Variants in ROR1 observed in about 807,000 individuals in gnomAD.
The protein encoded by ROR1 is ROR family WNT receptor 1.
Under a neutral mutation model 78.8 loss-of-function variants are expected in ROR1, and 19 were observed. The ratio of observed to expected loss-of-function variants is 0.24; its 90% CI spans 0.17 to 0.35. ROR1 has a LOEUF of 0.35. Ranked by LOEUF, ROR1 falls within the 10% of genes least tolerant of loss-of-function variation. The pLI, the probability that ROR1 is intolerant of heterozygous loss-of-function variation, is 1.00. For synonymous variants in ROR1, 386 were observed against 433.6 expected, an observed-to-expected ratio of 0.89 and a Z score of 1.36; for missense variants, 917 against 1,177.8, an observed-to-expected ratio of 0.78 and a Z score of 3.24.
intron 4 of ROR1, among the ~76,000 whole-genome samples, chr1:64,068,315 G>T (rs1445966740): frequency 6.6e-6 from 1 of 152,088 alleles, no homozygotes; most frequent in Non-Finnish European, 1.5e-5. Flanking sequence ...TAGTATCAGT[G>T]CAAAAATGTA....
intron 4 of ROR1, among the ~76,000 whole-genome samples, chr1:64,088,143 C>T (rs1647168054): frequency 6.6e-6 from 1 of 152,124 alleles, no homozygotes; most frequent in African/African-American, 2.4e-5. Flanking sequence ...TCTCTTTGCT[C>T]AAAAGAATTT....
At chr1:63,893,988 C>A (rs1054882921) in intron 1 of ROR1, among the ~76,000 whole-genome samples, 2 of 152,076 alleles carry the variant, frequency 1.3e-5, no homozygotes, top group Non-Finnish European at 2.9e-5. Context: ...TCACTTCAAT[C>A]TTTTACCTTA....
In ROR1 at chr1:64,178,669, C is replaced by A. The variant is rs1401971382; in HGVS notation, c.2628C>A (p.Ser876=). 1.2e-6 allele frequency: 2 copies of A among 1,614,128 alleles called. No homozygotes were observed. The highest frequency in any genetic ancestry group is 1.1e-5 in the South Asian group (1 of 91,076). ...GHVTSLPSSG[S]NQEANIPLLP... ...TGACTAGCTTGCCCTCATCAGGATCCAATCAGGAAGCAAATATTCCTTTAC... is the reference window on the plus strand; with the variant it reads ...TGACTAGCTTGCCCTCATCAGGATCAAATCAGGAAGCAAATATTCCTTTAC... The change falls in exon 9 of 9, where the codon TCC becomes TCA. Residue 876 remains serine (S), a synonymous_variant. Transcript: ENST00000371079. This position sits in a 1 kb window ranked among gnomAD's most constrained non-coding sequence, Gnocchi z 4.3.
Position 64,142,268 on chromosome 1 carries a change from A to G in ROR1, c.929-137A>G. 5.8e-6 allele frequency: 8 copies of G among 1,387,578 alleles called. No individual in the cohort carries two copies. In the South Asian group the frequency reaches 8.5e-5, roughly 15 times the overall value. 86.0% of individuals were successfully genotyped at this position (1,387,578 alleles called of 1,614,324 possible). On this transcript the variant is annotated intron_variant, in intron 6 of 8. Coordinates refer to ENST00000371079, the MANE Select transcript of ROR1 (RefSeq NM_005012.4). ...CAGCAAAGCAGGGAGACTGTCCTGCATGGCCCCTGACCAGCAGGGAAGCTG... is the reference window on the plus strand; with the variant it reads ...CAGCAAAGCAGGGAGACTGTCCTGCGTGGCCCCTGACCAGCAGGGAAGCTG...
intron 1 of ROR1, among the ~76,000 whole-genome samples, chr1:63,846,668 G>A (rs529411663): frequency 4.6e-4 from 70 of 152,148 alleles, no homozygotes; most frequent in Non-Finnish European, 7.9e-4. Context: ...TGTTGGAAAG[G>A]GCCTTGAAAT....
At chr1:63,936,138 A>G (rs1645792441) in intron 1 of ROR1, among the ~76,000 whole-genome samples, 1 of 152,202 alleles carries the variant, frequency 6.6e-6, no homozygotes, top group Admixed American at 6.5e-5. Flanking sequence ...CCTTACCATT[A>G]GTTGTCTTTT....
At chr1:63,970,415 G>T (rs148381648) in intron 1 of ROR1, among the ~76,000 whole-genome samples, 1 of 152,270 alleles carries the variant, frequency 6.6e-6, no homozygotes, top group East Asian at 1.9e-4. Flanking sequence ...CATTAGTCTG[G>T]ACATAAAAGT....
intron 4 of ROR1, among the ~76,000 whole-genome samples, chr1:64,108,874 T>C (rs1405851437): frequency 6.6e-6 from 1 of 152,174 alleles, no homozygotes; most frequent in Non-Finnish European, 1.5e-5. Context: ...TAAGCATCCC[T>C]TGGGGGATTG....
At chr1:64,174,656 AG>A (rs1453216955) in intron 8 of ROR1, among the ~76,000 whole-genome samples, 1 of 152,216 alleles carries the variant, frequency 6.6e-6, no homozygotes, top group Non-Finnish European at 1.5e-5. Flanking sequence ...TTTGTCAAAA[AG>A]TAAGTGATGT....
intron 4 of ROR1, among the ~76,000 whole-genome samples, chr1:64,075,780 T>C (rs1242238642): frequency 2.0e-5 from 3 of 152,230 alleles, no homozygotes; most frequent in African/African-American, 7.2e-5. Flanking sequence ...TCCACACCTT[T>C]ACGCTTAATG....
intron 1 of ROR1, among the ~76,000 whole-genome samples, chr1:63,810,131 C>A (rs981677921): frequency 7.9e-5 from 12 of 152,184 alleles, no homozygotes; most frequent in African/African-American, 2.9e-4. Context: ...AAACGAGAAA[C>A]CCATTTTGAG....
At chr1:64,051,231 C>G (rs1444350641) in intron 4 of ROR1, among the ~76,000 whole-genome samples, 3 of 151,908 alleles carry the variant, frequency 2.0e-5, no homozygotes, top group Non-Finnish European at 4.4e-5. Context: ...GTGGGTGGAT[C>G]ACGAGGTCAG....
At chr1:64,051,546 G>C (rs1302370367) in intron 4 of ROR1, among the ~76,000 whole-genome samples, 1 of 151,984 alleles carries the variant, frequency 6.6e-6, no homozygotes, top group East Asian at 1.9e-4. Flanking sequence ...TCCCAAGCTT[G>C]GACTGAGAGT....
chr1:64,118,319 G>A (rs932098423), intron 4 of ROR1, among the ~76,000 whole-genome samples: 1 of 152,128 alleles, frequency 6.6e-6, no homozygotes, highest in Admixed American at 6.5e-5. Context: ...TAGCAGTATA[G>A]CAAAATGGTT....
intron 1 of ROR1, among the ~76,000 whole-genome samples, chr1:63,867,582 A>C (rs570303779): frequency 6.6e-6 from 1 of 151,922 alleles, no homozygotes; most frequent in South Asian, 2.1e-4. Context: ...ATAGCAGGCG[A>C]CTCCCTTGTC....
At chr1:63,861,147 C>A (rs1428114427) in intron 1 of ROR1, among the ~76,000 whole-genome samples, 1 of 152,152 alleles carries the variant, frequency 6.6e-6, no homozygotes, top group East Asian at 1.9e-4. Context: ...ACACAGCTGT[C>A]CAGGAGGAAT....
chr1:63,913,886 G>A (rs1457297063), intron 1 of ROR1, among the ~76,000 whole-genome samples: 2 of 152,220 alleles, frequency 1.3e-5, no homozygotes, highest in South Asian at 2.1e-4. Context: ...AGTTTAAAAC[G>A]CCGTCCTCAC....
intron 1 of ROR1, among the ~76,000 whole-genome samples, chr1:63,818,948 T>G (rs976725967): frequency 6.6e-6 from 1 of 152,114 alleles, no homozygotes; most frequent in Non-Finnish European, 1.5e-5. Flanking sequence ...TCCCTATATT[T>G]TTGTTCCAGG....
chr1:64,043,685 T>C (rs1482825899), intron 2 of ROR1, among the ~76,000 whole-genome samples: 1 of 152,118 alleles, frequency 6.6e-6, no homozygotes, highest in Non-Finnish European at 1.5e-5. Flanking sequence ...AGACTACAGG[T>C]TGGATTGATT....
Sources: gnomAD v4.1 joint callset for allele counts (sites outside exome capture counted in the v4.1 genomes callset) on GRCh38, gnomAD v4.1.1 for gene constraint, Gnocchi (gnomAD v3.1) non-coding constraint, MANE v1.5 for transcripts, NCBI Gene and HGNC (gene_info 2026-07-23, HGNC 2026-07-21) for gene names.